Variants in FUT8 observed in about 807,000 individuals in gnomAD.
FUT8 encodes the protein fucosyltransferase 8.
Under a neutral mutation model 71.3 loss-of-function variants are expected in FUT8, and 29 were observed. The observed-to-expected ratio is 0.41, with a 90% CI of 0.30 to 0.55. The LOEUF (loss-of-function observed/expected upper bound fraction) is 0.55, where lower values mean the gene tolerates loss of function less well. Ranked by LOEUF, FUT8 falls within the 20% of genes least tolerant of loss-of-function variation. The pLI is 0.34. For synonymous variants in FUT8, 254 were observed against 239.3 expected (o/e 1.06, Z -0.57); for missense variants, 544 against 702.1 (o/e 0.77, Z 2.55).
intron 5 of FUT8, among the ~76,000 whole-genome samples, chr14:65,619,000 T>TA (rs910690548): frequency 3.9e-5 from 6 of 152,176 alleles, no homozygotes; most frequent in Non-Finnish European, 7.3e-5. Flanking sequence ...ACTTTGTACT[T>TA]GCGATGGCAT....
the FUT8 span, among the ~76,000 whole-genome samples, chr14:65,360,976 G>A: frequency 6.6e-6 from 1 of 152,172 alleles, no homozygotes. Context: ...AAGATGGTAA[G>A]TCATCAGGTA....
At chr14:65,540,265 G>C (rs1884597281) in intron 2 of FUT8, among the ~76,000 whole-genome samples, 1 of 152,034 alleles carries the variant, frequency 6.6e-6, no homozygotes, top group Non-Finnish European at 1.5e-5. Flanking sequence ...ATTTTTGTTT[G>C]TTTGTTTTAA....
At chr14:65,685,086 C>T (rs569760106) in intron 7 of FUT8, among the ~76,000 whole-genome samples, 13 of 152,282 alleles carry the variant, frequency 8.5e-5, no homozygotes, top group African/African-American at 3.1e-4. Flanking sequence ...CCTTTCCTGC[C>T]TCCTCTCTAT....
Position 65,691,829 on chromosome 14 carries a change from T to G in FUT8, c.835+22349T>G, listed in dbSNP as rs538721016. 1.4e-3 allele frequency among the ~76,000 whole-genome samples: 212 copies of G among 152,134 alleles called. 1 individual carries two copies. Among genetic ancestry groups the G allele is most frequent in the African/African-American group, 4.8e-3 (200 of 41,474 alleles). On this transcript the variant is annotated intron_variant, in intron 7 of 10. Transcript: ENST00000673929. ...TTAACGAGCATGCTGCCTTCAAGCA[T>G]CTGTTTAACAAAGCACATCTTGCAC...
At chr14:65,667,640 C>T (rs763195852) in intron 6 of FUT8, among the ~76,000 whole-genome samples, 15 of 152,182 alleles carry the variant, frequency 9.9e-5, no homozygotes, top group African/African-American at 2.2e-4. Context: ...ATCAAACTAC[C>T]GATGACATTC....
At chr14:65,726,830 A>G (rs1398162391) in intron 9 of FUT8, among the ~76,000 whole-genome samples, 1 of 152,214 alleles carries the variant, frequency 6.6e-6, no homozygotes, top group Non-Finnish European at 1.5e-5. Flanking sequence ...CTATGAGCCT[A>G]TAAAATCAAA....
chr14:65,357,578 C>T, the FUT8 span, among the ~76,000 whole-genome samples: 1,450 of 152,320 alleles, frequency 9.5e-3, 25 homozygotes, highest in African/African-American at 0.033. Flanking sequence ...ATAGGCTTGC[C>T]TCAGTATCTA....
At chr14:65,632,564 T>G (rs1229597196) in intron 6 of FUT8, among the ~76,000 whole-genome samples, 1 of 152,104 alleles carries the variant, frequency 6.6e-6, no homozygotes, top group Admixed American at 6.5e-5. Flanking sequence ...CACTTTTTGG[T>G]GGGATTTTTT....
chr14:65,443,718 TAA>T lies in FUT8; in HGVS notation c.-325-11889_-325-11888del, dbSNP rs11317208. ...CTAGGCAACAGAGCAGGACCTCTAATAAAAAAAAAAAAAAAGACACCCCAAAA... is the reference window on the plus strand; with the variant it reads ...CTAGGCAACAGAGCAGGACCTCTAATAAAAAAAAAAAAAGACACCCCAAAA... On this transcript the variant is annotated intron_variant, in intron 1 of 10. Coordinates refer to ENST00000673929, the MANE Select transcript of FUT8 (RefSeq NM_001371533.1). Among the ~76,000 whole-genome samples, 1,297 of 140,188 alleles carry T rather than the reference TAA, an allele frequency of 9.3e-3. 15 individuals carry two copies. Among genetic ancestry groups the T allele is most frequent in the East Asian group, 0.043 (209 of 4,896 alleles). 92.0% of individuals were successfully genotyped at this position (140,188 alleles called of 152,430 possible). A position where few individuals can be genotyped will look rare whatever the true frequency, so the allele number is the denominator to read the frequency against.
At chr14:65,650,085 A>G (rs1891295648) in intron 6 of FUT8, among the ~76,000 whole-genome samples, 4 of 151,914 alleles carry the variant, frequency 2.6e-5, no homozygotes, top group African/African-American at 9.6e-5. Flanking sequence ...TCACGAGGTC[A>G]GGAGATCAAG....
the FUT8 span, among the ~76,000 whole-genome samples, chr14:65,364,638 T>C: frequency 6.6e-6 from 1 of 152,194 alleles, no homozygotes; most frequent in African/African-American, 2.4e-5. Flanking sequence ...AGGTATTTGC[T>C]TGAAGGGATG....
intron 7 of FUT8, among the ~76,000 whole-genome samples, chr14:65,685,490 C>T (rs1044359079): frequency 6.6e-6 from 1 of 152,150 alleles, no homozygotes; most frequent in Non-Finnish European, 1.5e-5. Context: ...AATCCAGACC[C>T]CAAGAGAGGG....
intron 7 of FUT8, among the ~76,000 whole-genome samples, chr14:65,692,806 A>G (rs1170979956): frequency 4.0e-5 from 6 of 150,630 alleles, no homozygotes; most frequent in Admixed American, 2.6e-4. Flanking sequence ...GGCCGGGCAG[A>G]GACGCTCCTC....
At chr14:65,697,335 CCTTAT>C (rs1444045174) in intron 7 of FUT8, among the ~76,000 whole-genome samples, 1 of 151,998 alleles carries the variant, frequency 6.6e-6, no homozygotes. Flanking sequence ...TGCAATTTCT[CCTTAT>C]TGTTCATCAG....
chr14:65,458,681 G>T (rs1314858998), intron 2 of FUT8, among the ~76,000 whole-genome samples: 1 of 151,948 alleles, frequency 6.6e-6, no homozygotes, highest in Admixed American at 6.6e-5. Context: ...ATTTTTAGAT[G>T]AATTATGTAA....
intron 2 of FUT8, among the ~76,000 whole-genome samples, chr14:65,465,071 A>T (rs1365304038): frequency 6.6e-6 from 1 of 152,006 alleles, no homozygotes; most frequent in Non-Finnish European, 1.5e-5. Flanking sequence ...CTTTTAAGGG[A>T]TTGGTCCATT....
intron 7 of FUT8, among the ~76,000 whole-genome samples, chr14:65,682,283 G>T (rs1428375321): frequency 6.6e-6 from 1 of 152,194 alleles, no homozygotes; most frequent in Admixed American, 6.5e-5. Context: ...CAGGAGGATC[G>T]CTTCAGACTG....
At chr14:65,598,469 C>T (rs1310598218) in intron 3 of FUT8, among the ~76,000 whole-genome samples, 1 of 152,186 alleles carries the variant, frequency 6.6e-6, no homozygotes, top group African/African-American at 2.4e-5. Context: ...GATCCACCCG[C>T]CTCGGCCTCC....
At position 65,483,227 on chromosome 14, in the gene FUT8, C is replaced by A. The variant is rs570769438; in HGVS notation, c.-228+27509C>A. ...ATTCAGTGAGAGGACTGTGTTCTCT[C>A]CAACAAGGTCTGGATCTCAGCCCTG... On this transcript the variant is annotated intron_variant, in intron 2 of 10. Transcript: ENST00000673929. The surrounding 1 kb of genome is among the most constrained non-coding windows in gnomAD (Gnocchi z 4.4). Among the ~76,000 whole-genome samples, 2 of 152,044 alleles carry A rather than the reference C, an allele frequency of 1.3e-5. No individual in the cohort carries two copies. Among genetic ancestry groups the A allele is most frequent in the Non-Finnish European group, 2.9e-5 (2 of 68,018 alleles).
Sources: allele counts gnomAD v4.1 joint callset (sites outside exome capture counted in the v4.1 genomes callset), GRCh38; gene constraint gnomAD v4.1.1; non-coding constraint Gnocchi (gnomAD v3.1); transcripts MANE v1.5; gene names NCBI Gene and HGNC (gene_info 2026-07-23, HGNC 2026-07-21).